The following F11R variants were observed in gnomAD, a reference collection of about 807,000 sequenced individuals.
F11R encodes the protein F11 receptor, also known as junctional adhesion molecule A.
A neutral mutation model predicts 39.3 loss-of-function variants in F11R; 27 were observed. The observed-to-expected ratio is 0.69, with a 90% CI of 0.51 to 0.95. The LOEUF (loss-of-function observed/expected upper bound fraction) is 0.95. F11R is among the 40% of genes least tolerant of loss of function. The probability of loss-of-function intolerance (pLI) is 0.00; values close to 1 mark genes in which losing one functional copy is unlikely to be tolerated. For missense variants in F11R, 335 were observed against 372.7 expected (o/e 0.90, Z 0.83); for synonymous variants, 131 against 144.9 (o/e 0.90, Z 0.69).
chr1:161,012,600 T>TTTATTTA (rs1557894334), intron 1 of F11R, among the ~76,000 whole-genome samples: 2 of 144,174 alleles, frequency 1.4e-5, no homozygotes, highest in East Asian at 2.0e-4. Context: ...AATTAATTAA[T>TTTATTTA]TTTATTTATT....
intron 1 of F11R, among the ~76,000 whole-genome samples, chr1:161,010,634 A>G (rs1022467699): frequency 3.3e-5 from 5 of 152,094 alleles, no homozygotes; most frequent in Admixed American, 1.3e-4. Flanking sequence ...TTCCTCAGTC[A>G]AAATTAATCT....
Position 161,001,052 on chromosome 1 carries a change from G to C in F11R, c.209C>G (p.Thr70Ser). 3 of 1,614,126 alleles carry C rather than the reference G, an allele frequency of 1.9e-6. No homozygotes were observed. Among genetic ancestry groups the C allele is most frequent in the Non-Finnish European group, 2.5e-6 (3 of 1,180,012 alleles). Residue 70 changes from threonine to serine, a missense_variant, in exon 3 of 10, where the codon ACC becomes AGC. Transcript: ENST00000368026. ...CTTGTTATTATAGCAAACGAGTCTG[G>C]TGGTGTCTCCTTGGTCAAACTTCCA... is the stretch of plus-strand genomic sequence containing the variant. The part of the protein sequence containing the change: ...VEWKFDQGDT[T>S]RLVCYNNKIT...
In F11R at chr1:161,021,145, A is replaced by T. The variant is rs1571027877; in HGVS notation, c.-72T>A. The T allele has an allele frequency of 2.8e-6, 4 of 1,438,806 alleles. No homozygotes were observed. In the East Asian group the frequency reaches 9.1e-5, roughly 33 times the overall value. The allele number at this position is 1,438,806 out of a possible 1,614,324, so 89.1% of individuals were successfully genotyped here. On this transcript the variant is annotated 5_prime_UTR_variant, in exon 1 of 10. Transcript: ENST00000368026. ...CAGACACAGCTCCGCGACTACAGCGAGGGGACTGAGAGCCAGCCGCCAGGT... is the reference window on the plus strand; with the variant it reads ...CAGACACAGCTCCGCGACTACAGCGTGGGGACTGAGAGCCAGCCGCCAGGT...
chr1:161,016,838 G>A (rs913305891), intron 1 of F11R, among the ~76,000 whole-genome samples: 1 of 152,166 alleles, frequency 6.6e-6, no homozygotes, highest in African/African-American at 2.4e-5. Flanking sequence ...TCACCAGTGT[G>A]GGGAAAAGCA....
intron 1 of F11R, among the ~76,000 whole-genome samples, chr1:161,015,407 A>AATATAT (rs1553211261): frequency 1.8e-4 from 25 of 136,168 alleles, no homozygotes; most frequent in Middle Eastern, 3.6e-3. Context: ...CAAAAAAAAA[A>AATATAT]ATATATATAT....
rs1168558357 is a variant in F11R at position 160,995,742 on chromosome 1, C to T, written c.*3129G>A. 1 of 87,450 alleles carries T rather than the reference C, an allele frequency of 1.1e-5. No individual in the cohort carries two copies. Among genetic ancestry groups the T allele is most frequent in the Admixed American group, 1.2e-4 (1 of 8,650 alleles). The allele number at this position is 87,450 out of a possible 1,614,324, so 5.4% of individuals were successfully genotyped here. A position where few individuals can be genotyped will look rare whatever the true frequency, so the allele number is the denominator to read the frequency against. ...ACTCCAGCCTGGCAACGGAGCAAGA[C>T]TCCCTCACACACACACACACACACA... On this transcript the variant is annotated 3_prime_UTR_variant, in exon 10 of 10. Transcript: ENST00000368026.
intron 1 of F11R, among the ~76,000 whole-genome samples, chr1:161,016,136 G>C (rs1035776545): frequency 6.6e-6 from 1 of 151,900 alleles, no homozygotes; most frequent in Non-Finnish European, 1.5e-5. Flanking sequence ...TCAGGAGTTC[G>C]AGACCAGCCT....
rs1649021476 is a variant in F11R, at chr1:161,009,716, C to CG, written c.65-8364_65-8363insC. ...GGTGCGGTGGCTCACGCCTATAATC[C>CG]CAGCACTTTGGGAGGCCGATGTGGG... is the stretch of plus-strand genomic sequence containing the variant. On this transcript the variant is annotated intron_variant, in intron 1 of 9. Coordinates refer to ENST00000368026, the MANE Select transcript of F11R (RefSeq NM_016946.6). Among the ~76,000 whole-genome samples, 55 of 152,214 alleles carry CG rather than the reference C, an allele frequency of 3.6e-4. No individual in the cohort carries two copies. In the East Asian group the frequency reaches 0.01, roughly 29 times the overall value.
chr1:161,010,440 T>TAAAAAAAAAAA (rs1649078749), intron 1 of F11R, among the ~76,000 whole-genome samples: 2 of 6,958 alleles, frequency 2.9e-4, no homozygotes, highest in Non-Finnish European at 2.7e-4. Context: ...CGAGACTCCA[T>TAAAAAAAAAAA]CAAAAAAAAA....
intron 1 of F11R, among the ~76,000 whole-genome samples, chr1:161,002,353 T>C (rs1648544606): frequency 6.6e-6 from 1 of 151,206 alleles, no homozygotes; most frequent in Admixed American, 6.6e-5. Context: ...AATATTCTAC[T>C]TGCCAAATGG....
At chr1:161,017,628 A>T (rs2101991666) in intron 1 of F11R, among the ~76,000 whole-genome samples, 2 of 152,188 alleles carry the variant, frequency 1.3e-5, no homozygotes, top group East Asian at 3.9e-4. Flanking sequence ...CCCACGAATG[A>T]TCAATAAATA....
chr1:161,011,878 T>C (rs1649181329), intron 1 of F11R, among the ~76,000 whole-genome samples: 1 of 152,152 alleles, frequency 6.6e-6, no homozygotes, highest in Non-Finnish European at 1.5e-5. Context: ...TCCTTTGCAT[T>C]TTCCTATTTT....
In F11R at chr1:161,000,666, C is replaced by T. The variant is rs1335583405; in HGVS notation, c.353G>A (p.Ser118Asn). The T allele has an allele frequency of 6.2e-6, 10 of 1,614,220 alleles. No individual in the cohort carries two copies. The highest frequency in any genetic ancestry group is 8.5e-6 in the Non-Finnish European group (10 of 1,180,044). ...GAGCTTGACCTTGACCTCCCCATAGCTGTTGCCGCCTTCCTCAGAGACCAT... is the reference window on the plus strand; with the variant it reads ...GAGCTTGACCTTGACCTCCCCATAGTTGTTGCCGCCTTCCTCAGAGACCAT... The part of the protein sequence containing the change: ...TCMVSEEGGN[S>N]YGEVKVKLIV... Residue 118 changes from serine (S) to asparagine (N), a missense_variant, in exon 4 of 10, where the codon AGC (serine) becomes AAC (asparagine). Coordinates refer to ENST00000368026, the MANE Select transcript of F11R (RefSeq NM_016946.6).
rs919747637 is a variant in F11R at position 160,995,284 on chromosome 1, C to T, written c.*3587G>A. The T allele has an allele frequency of 6.6e-6, 1 of 152,172 alleles. No homozygotes were observed. Among genetic ancestry groups the T allele is most frequent in the African/African-American group, 2.4e-5 (1 of 41,374 alleles). 9.4% of individuals were successfully genotyped at this position (152,172 alleles called of 1,614,324 possible). The stretch of plus-strand genomic sequence containing the variant: ...TCTACTTTATTAAGCTGTCCTCAGG[C>T]CCCAAGAAACATACTGTCCCCTCAT... On this transcript the variant is annotated 3_prime_UTR_variant, in exon 10 of 10. Transcript: ENST00000368026.
chr1:161,007,167 CAA>C (rs558492593), intron 1 of F11R, among the ~76,000 whole-genome samples: 7 of 94,222 alleles, frequency 7.4e-5, no homozygotes, highest in Admixed American at 2.3e-4. Context: ...AACTCCGTCT[CAA>C]AAAAAAAAAA....
rs566003128 is a variant in F11R, at chr1:160,996,978, T to C, written c.*1893A>G. ...CTCAATTCTGTTAGGGATTTCCAAA[T>C]AGGATAGGGCAAAGTCGCACTTAGT... is the stretch of plus-strand genomic sequence containing the variant. On this transcript the variant is annotated 3_prime_UTR_variant, in exon 10 of 10. Coordinates refer to ENST00000368026, the MANE Select transcript of F11R (RefSeq NM_016946.6). 3.3e-5 allele frequency: 5 copies of C among 152,430 alleles called. No individual in the cohort carries two copies. The highest frequency in any genetic ancestry group is 1.2e-4 in the African/African-American group (5 of 41,560). 9.4% of individuals were successfully genotyped at this position (152,430 alleles called of 1,614,324 possible).
intron 1 of F11R, among the ~76,000 whole-genome samples, chr1:161,011,300 T>G (rs963870087): frequency 1.3e-5 from 2 of 152,106 alleles, no homozygotes; most frequent in Non-Finnish European, 2.9e-5. Context: ...CCCAAAGTGC[T>G]GGGATTACAG....
Position 161,000,139 on chromosome 1 carries a change from T to C in F11R, c.591+7A>G, listed in dbSNP as rs1362576044. On this transcript the variant is annotated splice_region_variant and intron_variant, in intron 5 of 9. Transcript: ENST00000368026. ...CCACACATCTTTCACCACCACCCCA[T>C]ACATACCAGCTCTCCTGTTGTGGGA... is the stretch of plus-strand genomic sequence containing the variant. 30 of 1,613,918 alleles carry C rather than the reference T, an allele frequency of 1.9e-5. No homozygotes were observed. Among genetic ancestry groups the C allele is most frequent in the Non-Finnish European group, 2.3e-5 (27 of 1,179,948 alleles).
chr1:160,998,445 G>A lies in F11R; in HGVS notation c.*426C>T. ...AGCCTCTAATTCCCGCTCTAGAACA[G>A]CTGGCCCTGGTCGTCAGTACACAAG... On this transcript the variant is annotated 3_prime_UTR_variant, in exon 10 of 10. Transcript: ENST00000368026. 4.0e-6 allele frequency: 1 copy of A among 252,496 alleles called. No individual in the cohort carries two copies. The highest frequency in any genetic ancestry group is 2.2e-5 in the African/African-American group (1 of 44,610). The allele number at this position is 252,496 out of a possible 1,614,324, so 15.6% of individuals were successfully genotyped here. A position where few individuals can be genotyped will look rare whatever the true frequency, so the allele number is the denominator to read the frequency against.
Sources: gnomAD v4.1 joint callset for allele counts (sites outside exome capture counted in the v4.1 genomes callset) on GRCh38, gnomAD v4.1.1 for gene constraint, MANE v1.5 for transcripts, NCBI Gene and HGNC (gene_info 2026-07-23, HGNC 2026-07-21) for gene names.